The following PTPRD variants were observed in gnomAD, a reference collection of about 807,000 sequenced individuals.
PTPRD encodes receptor-type tyrosine-protein phosphatase delta.
PTPRD carries 34 observed loss-of-function variants against 214.5 expected under a neutral mutation model. That is an observed-to-expected ratio of 0.16 (90% confidence interval 0.12 to 0.21). The LOEUF (loss-of-function observed/expected upper bound fraction) is 0.21, where lower values mean the gene tolerates loss of function less well. PTPRD is among the 10% of genes least tolerant of loss of function. The pLI, the probability that PTPRD is intolerant of heterozygous loss-of-function variation, is 1.00. For synonymous variants in PTPRD, 1,128 were observed against 845.7 expected (o/e 1.33, Z -5.79); for missense variants, 2,545 against 2,398.7 (o/e 1.06, Z -1.27).
At chr9:8,762,200 A>G (rs2154477241) in intron 11 of PTPRD, among the ~76,000 whole-genome samples, 1 of 152,292 alleles carries the variant, frequency 6.6e-6, no homozygotes, top group African/African-American at 2.4e-5. Flanking sequence ...TTTCCTCTGC[A>G]TTCAATAGAA....
chr9:9,426,551 G>C (rs1248931244), intron 8 of PTPRD, among the ~76,000 whole-genome samples: 1 of 152,220 alleles, frequency 6.6e-6, no homozygotes, highest in Non-Finnish European at 1.5e-5. Context: ...CAGCTTTGAA[G>C]AGTGTAGTGG....
intron 4 of PTPRD, among the ~76,000 whole-genome samples, chr9:10,016,838 G>C (rs960531539): frequency 3.9e-5 from 6 of 151,908 alleles, no homozygotes; most frequent in Non-Finnish European, 8.8e-5. Context: ...CTAATCTTTT[G>C]ATTTTTTGTA....
At chr9:10,478,771 G>T (rs892071758) in intron 2 of PTPRD, among the ~76,000 whole-genome samples, 2 of 151,382 alleles carry the variant, frequency 1.3e-5, no homozygotes, top group African/African-American at 4.8e-5. Flanking sequence ...CAAATAAGTT[G>T]AGGAAAATTT....
At chr9:10,196,803 A>G (rs2099400107) in intron 3 of PTPRD, among the ~76,000 whole-genome samples, 1 of 149,942 alleles carries the variant, frequency 6.7e-6, no homozygotes, top group Non-Finnish European at 1.5e-5. Context: ...GTAAAGTGAT[A>G]GTGTTCAGAA....
At chr9:9,522,962 C>T (rs561201554) in intron 8 of PTPRD, among the ~76,000 whole-genome samples, 4 of 152,042 alleles carry the variant, frequency 2.6e-5, no homozygotes, top group Admixed American at 6.5e-5. Flanking sequence ...CCTAAGGGTC[C>T]GACCATCTAT....
intron 3 of PTPRD, among the ~76,000 whole-genome samples, chr9:10,257,484 C>T (rs1420732746): frequency 6.6e-6 from 1 of 152,074 alleles, no homozygotes; most frequent in Non-Finnish European, 1.5e-5. Context: ...AAACAGTATG[C>T]ATCATATCCA....
intron 14 of PTPRD, among the ~76,000 whole-genome samples, chr9:8,632,180 C>G (rs1457997706): frequency 6.7e-6 from 1 of 149,798 alleles, no homozygotes; most frequent in Non-Finnish European, 1.5e-5. Flanking sequence ...TTCAAAACCA[C>G]CAGGTAAATT....
chr9:9,819,810 T>A (rs187177627), intron 5 of PTPRD, among the ~76,000 whole-genome samples: 1 of 152,326 alleles, frequency 6.6e-6, no homozygotes, highest in Admixed American at 6.5e-5. Flanking sequence ...GCCATGTTGC[T>A]GCAAAGGACA....
rs143796771 is a variant in PTPRD at position 10,340,679 on chromosome 9, C to G, written c.-545+284G>C. 4.5e-3 allele frequency among the ~76,000 whole-genome samples: 685 copies of G among 151,914 alleles called. 8 individuals carry two copies. Among genetic ancestry groups the G allele is most frequent in the African/African-American group, 0.015 (639 of 41,500 alleles). On this transcript the variant is annotated intron_variant, in intron 3 of 45. Coordinates refer to ENST00000381196, the MANE Select transcript of PTPRD (RefSeq NM_002839.4). The stretch of plus-strand genomic sequence containing the variant: ...TTTGTGAGGATTAAATAAGATGATT[C>G]ACATTAAGAATCTAGGACATGGAAA...
intron 11 of PTPRD, among the ~76,000 whole-genome samples, chr9:8,744,742 G>A (rs1288585826): frequency 6.6e-6 from 1 of 152,158 alleles, no homozygotes; most frequent in African/African-American, 2.4e-5. Context: ...AGAAATCACC[G>A]CTAGAGAACT....
At chr9:10,150,737 C>G (rs981937662) in intron 3 of PTPRD, among the ~76,000 whole-genome samples, 2 of 151,072 alleles carry the variant, frequency 1.3e-5, no homozygotes, top group Non-Finnish European at 3.0e-5. Context: ...TGAAATAAAT[C>G]CTGATACATC....
chr9:10,247,394 G>T (rs149427793), intron 3 of PTPRD, among the ~76,000 whole-genome samples: 2 of 152,094 alleles, frequency 1.3e-5, no homozygotes, highest in African/African-American at 2.4e-5. Context: ...TATTAATTAC[G>T]TAAAAAATTA....
At chr9:8,682,678 CAGA>C (rs1189567399) in intron 12 of PTPRD, among the ~76,000 whole-genome samples, 4 of 152,026 alleles carry the variant, frequency 2.6e-5, no homozygotes, top group African/African-American at 9.7e-5. Flanking sequence ...AAACATTGAA[CAGA>C]ACATCACATT....
chr9:10,380,592 C>T (rs1158076210), intron 2 of PTPRD, among the ~76,000 whole-genome samples: 1 of 151,936 alleles, frequency 6.6e-6, no homozygotes, highest in African/African-American at 2.4e-5. Flanking sequence ...AGTTTTTATT[C>T]AAAAGGAAAG....
intron 5 of PTPRD, among the ~76,000 whole-genome samples, chr9:9,834,926 G>A (rs111335153): frequency 2.6e-5 from 4 of 151,834 alleles, no homozygotes; most frequent in Admixed American, 2.0e-4. Flanking sequence ...TAACCTAACA[G>A]GTACTTTTGT....
intron 11 of PTPRD, among the ~76,000 whole-genome samples, chr9:8,758,784 G>A (rs1295516247): frequency 1.3e-5 from 2 of 150,680 alleles, no homozygotes; most frequent in Non-Finnish European, 2.9e-5. Context: ...TTGAGATGGA[G>A]TCTCGCTCTG....
At chr9:8,656,135 G>C (rs529917302) in intron 12 of PTPRD, among the ~76,000 whole-genome samples, 2 of 152,154 alleles carry the variant, frequency 1.3e-5, no homozygotes, top group African/African-American at 4.8e-5. Flanking sequence ...CCCCACAACT[G>C]AATCACCTGT....
intron 14 of PTPRD, among the ~76,000 whole-genome samples, chr9:8,549,708 G>A (rs1052162175): frequency 6.6e-6 from 1 of 151,708 alleles, no homozygotes; most frequent in Non-Finnish European, 1.5e-5. Context: ...AAACCCCAAG[G>A]GAAATTATTT....
At chr9:9,590,764 A>G (rs2092644943) in intron 7 of PTPRD, among the ~76,000 whole-genome samples, 1 of 152,054 alleles carries the variant, frequency 6.6e-6, no homozygotes, top group Non-Finnish European at 1.5e-5. Flanking sequence ...AGAAATGAAA[A>G]GTTTCTCCCT....
Sources: gnomAD v4.1 joint callset for allele counts (sites outside exome capture counted in the v4.1 genomes callset) on GRCh38, gnomAD v4.1.1 for gene constraint, MANE v1.5 for transcripts, NCBI Gene and HGNC (gene_info 2026-07-23, HGNC 2026-07-21) for gene names.